The following RPL13 variants were observed in gnomAD, a reference collection of about 807,000 sequenced individuals.
The protein encoded by RPL13 is large ribosomal subunit protein eL13.
In RPL13, 1 loss-of-function variant was observed where a neutral mutation model predicts 21.4. The ratio of observed to expected loss-of-function variants is 0.05; its 90% confidence interval spans 0.02 to 0.22. The LOEUF (loss-of-function observed/expected upper bound fraction) is 0.22, where lower values mean the gene tolerates loss of function less well. Among genes scored for constraint, RPL13 ranks in the 10% least tolerant of loss-of-function variants. RPL13 has a pLI of 1.00. For missense variants in RPL13, 289 were observed against 303.0 expected, an observed-to-expected ratio of 0.95 and a Z score of 0.34; for synonymous variants, 143 against 120.5, an observed-to-expected ratio of 1.19 and a Z score of -1.23.
downstream of RPL13, chr16:89,566,266 A>C (rs933728880): frequency 1.3e-5 from 2 of 151,824 alleles, no homozygotes; most frequent in African/African-American, 2.4e-5. Flanking sequence ...GGATAGTCTC[A>C]GAAGGCGCTA....
At position 89,561,719 on chromosome 16, in the gene RPL13, A is replaced by G; in HGVS notation, c.388A>G (p.Lys130Glu). ...CTCCAAACTCATCCTCTTCCCCAGG[A>G]AGCCCTCGGCCCCCAAGAAGGGAGA... ...YRSKLILFPR[K>E]PSAPKKGDSS... Residue 130 changes from lysine (K) to glutamate (E), a missense_variant, in exon 4 of 6, where the codon AAG (lysine) becomes GAG (glutamate). Transcript: ENST00000311528. The G allele has an allele frequency of 6.2e-7, 1 of 1,613,824 alleles. No homozygotes were observed. The highest frequency in any genetic ancestry group is 8.5e-7 in the Non-Finnish European group (1 of 1,180,008).
intron 4 of RPL13, 52 bp downstream of exon 4, chr16:89,561,803 G>T: frequency 6.3e-7 from 1 of 1,584,596 alleles, no homozygotes; most frequent in Non-Finnish European, 8.6e-7. Context: ...GTGAGGCTTG[G>T]CTCCTTTATC....
At chr16:89,562,481 T>C in intron 5 of RPL13, 90 bp downstream of exon 5, 2 of 1,248,314 alleles carry the variant, frequency 1.6e-6, no homozygotes, top group Non-Finnish European at 2.3e-6. Flanking sequence ...GGGGTCAGGC[T>C]TAAGAACGTT....
downstream of RPL13, chr16:89,566,320 TCGCCTG>T (rs1412215933): frequency 4.6e-5 from 7 of 152,182 alleles, no homozygotes; most frequent in Non-Finnish European, 7.3e-5. Context: ...GAGGCACGAG[TCGCCTG>T]CCTCGGTGAT....
chr16:89,561,669 A>C lies in RPL13; in HGVS notation c.338A>C (p.Asn113Thr). ...RNKSTESLQANVQRLKEYRSK... is the reference protein window; with the variant it reads ...RNKSTESLQATVQRLKEYRSK... ...AAGTCCACGGAGTCCCTGCAGGCCAACGTGCAGCGGCTGAAGGAGTACCGC... is the reference window on the plus strand; with the variant it reads ...AAGTCCACGGAGTCCCTGCAGGCCACCGTGCAGCGGCTGAAGGAGTACCGC... Residue 113 changes from asparagine (N) to threonine (T), a missense_variant, in exon 4 of 6, where the codon AAC (asparagine) becomes ACC (threonine). Asn to Thr is a moderately conservative substitution (Grantham distance 65). Transcript: ENST00000311528. 3 of 1,613,876 alleles carry C rather than the reference A, an allele frequency of 1.9e-6. No homozygotes were observed. The South Asian group carries it at 3.3e-5, about 18-fold the overall frequency.
intron 3 of RPL13, 87 bp downstream of exon 3, chr16:89,561,455 C>G: frequency 3.1e-6 from 5 of 1,612,074 alleles, no homozygotes; most frequent in Non-Finnish European, 4.2e-6. Context: ...TCCGGAATCG[C>G]TGTACGGCCT....
chr16:89,563,104 G>A lies in RPL13; in HGVS notation c.*62G>A, dbSNP rs1016654618. 10 of 1,392,092 alleles carry A rather than the reference G, an allele frequency of 7.2e-6. No individual in the cohort carries two copies. The highest frequency in any genetic ancestry group is 6.6e-5 in the Admixed American group (2 of 30,526). The allele number at this position is 1,392,092 out of a possible 1,614,324, so 86.2% of individuals were successfully genotyped here. ...GCTGGGTCTCCACGTGGTGTGTTTCGTGGGAACAACTGGGCCTGGGATGGG... is the reference window on the plus strand; with the variant it reads ...GCTGGGTCTCCACGTGGTGTGTTTCATGGGAACAACTGGGCCTGGGATGGG... On this transcript the variant is annotated 3_prime_UTR_variant, in exon 6 of 6. Coordinates refer to ENST00000311528, the MANE Select transcript of RPL13 (RefSeq NM_000977.4).
intron 1 of RPL13, 63 bp downstream of exon 1, chr16:89,560,775 C>T (rs2058736749): frequency 1.9e-6 from 1 of 536,546 alleles, no homozygotes. Context: ...GCGCTTCAGC[C>T]AACGCGGGAG....
At position 89,563,092 on chromosome 16, in the gene RPL13, G is replaced by T; in HGVS notation, c.*50G>T. The T allele has an allele frequency of 7.0e-7, 1 of 1,432,022 alleles. No individual in the cohort carries two copies. The highest frequency in any genetic ancestry group is 1.5e-5 in the South Asian group (1 of 65,554). The allele number at this position is 1,432,022 out of a possible 1,614,324, so 88.7% of individuals were successfully genotyped here. ...GTCGGCAGTCATGCTGGGTCTCCAC[G>T]TGGTGTGTTTCGTGGGAACAACTGG... On this transcript the variant is annotated 3_prime_UTR_variant, in exon 6 of 6. Coordinates refer to ENST00000311528, the MANE Select transcript of RPL13 (RefSeq NM_000977.4).
rs994648980 is a variant in RPL13 at position 89,563,759 on chromosome 16, A to G, written c.*717A>G. The G allele has an allele frequency of 6.6e-6, 1 of 152,118 alleles. No homozygotes were observed. Among genetic ancestry groups the G allele is most frequent in the Non-Finnish European group, 1.5e-5 (1 of 68,032 alleles). The allele number at this position is 152,118 out of a possible 1,614,324, so 9.4% of individuals were successfully genotyped here. On this transcript the variant is annotated 3_prime_UTR_variant, in exon 6 of 6. Coordinates refer to ENST00000311528, the MANE Select transcript of RPL13 (RefSeq NM_000977.4). ...GCCTTTTTTAAGCAAAGCAGTTTCT[A>G]GTTAATGTAGCATCTTGGACTTTGG...
In RPL13 at chr16:89,562,451, TATCTGAGATGCGGGTGATGGGGG is replaced by T. The variant is rs148948896; in HGVS notation, c.477+61_477+83del. On this transcript the variant is annotated intron_variant, in intron 5 of 5. Coordinates refer to ENST00000311528, the MANE Select transcript of RPL13 (RefSeq NM_000977.4). ...CGAGATCAGTGGGTGAACACGTGGG[TATCTGAGATGCGGGTGATGGGGG>T]TCAGGCTTAAGAACGTTAATAGTGG... is the stretch of plus-strand genomic sequence containing the variant. The T allele has an allele frequency of 1.6e-3, 2,412 of 1,528,540 alleles. 30 individuals are homozygous for T. The African/African-American group carries it at 0.029, about 18-fold the overall frequency. The allele number at this position is 1,528,540 out of a possible 1,614,324, so 94.7% of individuals were successfully genotyped here.
At chr16:89,561,442 TTC>T in intron 3 of RPL13, 74 bp downstream of exon 3, 2 of 1,612,388 alleles carry the variant, frequency 1.2e-6, no homozygotes, top group Non-Finnish European at 1.7e-6. Flanking sequence ...CGTGATGACA[TTC>T]TCCGGAATCG....
chr16:89,562,575 A>G (rs947498091), intron 5 of RPL13, 184 bp downstream of exon 5: 1 of 602,988 alleles, frequency 1.7e-6, no homozygotes, highest in Non-Finnish European at 2.8e-6. Flanking sequence ...GAAGCCATAC[A>G]TTGGGAAGTA....
Position 89,564,132 on chromosome 16 carries a change from G to A in RPL13, c.*1090G>A, listed in dbSNP as rs1005123172. On this transcript the variant is annotated 3_prime_UTR_variant, in exon 6 of 6. Transcript: ENST00000311528. ...CAGCTATGGCCATGACAACCCCAGA[G>A]AAGCAGCTTCAGGGACCGAGTCAGA... The A allele has an allele frequency of 1.3e-5, 2 of 152,336 alleles. No homozygotes were observed. The highest frequency in any genetic ancestry group is 2.9e-5 in the Non-Finnish European group (2 of 68,120). The allele number at this position is 152,336 out of a possible 1,614,324, so 9.4% of individuals were successfully genotyped here. A position where few individuals can be genotyped will look rare whatever the true frequency, so the allele number is the denominator to read the frequency against.
At chr16:89,561,165 C>A (rs1325348696) in intron 2 of RPL13, 62 bp from the exon 3 acceptor site, 120 of 1,513,162 alleles carry the variant, frequency 7.9e-5, no homozygotes, top group Non-Finnish European at 9.9e-5. Context: ...CTGCAACCGT[C>A]GCGGAGCGCT....
chr16:89,565,733 A>G (rs572510563), downstream of RPL13: 3 of 151,168 alleles, frequency 2.0e-5, no homozygotes, highest in South Asian at 4.2e-4. Context: ...CCGGGCTGGA[A>G]CCAGCCCTCT....
chr16:89,561,245 C>T lies in RPL13; in HGVS notation c.123C>T (p.Ala41=), dbSNP rs962244148. Residue 41 remains alanine (A), a synonymous_variant, in exon 3 of 6, where the codon GCC becomes GCT. Coordinates refer to ENST00000311528, the MANE Select transcript of RPL13 (RefSeq NM_000977.4). ...CCACCAGACGTAAGGCCCGGCAAGC[C>T]AAGGCGCGCCGCATCGCCCCGCGCC... ...RKIRRRKARQ[A]KARRIAPRPA... 3.9e-6 allele frequency: 6 copies of T among 1,548,728 alleles called. No homozygotes were observed. The highest frequency in any genetic ancestry group is 1.9e-5 in the Admixed American group (1 of 52,032).
intron 5 of RPL13, chr16:89,562,680 G>T: frequency 3.4e-6 from 2 of 584,142 alleles, no homozygotes; most frequent in Non-Finnish European, 5.7e-6. Flanking sequence ...ACAGGCTTGA[G>T]CCGCCATGTC....
At chr16:89,565,170 AG>A (rs2058775960), downstream of RPL13, 1 of 152,258 alleles carries the variant, frequency 6.6e-6, no homozygotes, top group Non-Finnish European at 1.5e-5. Context: ...CCCTAACAGG[AG>A]AGGATGGGCT....
Sources: allele counts gnomAD v4.1 joint callset, GRCh38; gene constraint gnomAD v4.1.1; transcripts MANE v1.5; gene names NCBI Gene and HGNC (gene_info 2026-07-23, HGNC 2026-07-21).